CSMD1: variants seen among roughly 807,000 people sequenced by gnomAD.
The protein encoded by CSMD1 is CUB and Sushi multiple domains 1.
Under a neutral mutation model 417.5 loss-of-function variants are expected in CSMD1, and 213 were observed. That is an observed-to-expected ratio of 0.51 (90% CI 0.46 to 0.57). The LOEUF is 0.57. Among genes scored for constraint, CSMD1 ranks in the 20% least tolerant of loss-of-function variants. CSMD1 has a pLI of 0.00. For synonymous variants in CSMD1, 2,862 were observed against 1,736.8 expected, an observed-to-expected ratio of 1.65 and a Z score of -16.11; for missense variants, 6,923 against 4,529.7, an observed-to-expected ratio of 1.53 and a Z score of -15.17.
intron 7 of CSMD1, among the ~76,000 whole-genome samples, chr8:3,658,262 G>C (rs942465244): frequency 5.3e-5 from 8 of 151,932 alleles, no homozygotes; most frequent in Non-Finnish European, 8.8e-5. Flanking sequence ...GGAGTGAAAT[G>C]TATTTTTTTC....
intron 62 of CSMD1, among the ~76,000 whole-genome samples, chr8:2,959,481 T>C (rs1803279213): frequency 6.6e-6 from 1 of 152,190 alleles, no homozygotes; most frequent in Admixed American, 6.5e-5. Context: ...CTGGTAAACA[T>C]GCTGACATTC....
chr8:2,949,304 C>T lies in CSMD1; in HGVS notation c.10397G>A (p.Arg3466Lys). ...ATATCCTAAGTGCAACTTACCTTGC[C>T]TTTCTAGCTTAAATTTTCCAAAGTC... ...GKDFGKFKLE[R>K]QDPLNPDQDS... The change falls in exon 68 of 70, where the codon AGG becomes AAG. Residue 3466 changes from arginine (R) to lysine (K), a missense_variant. Transcript: ENST00000635120. The T allele has an allele frequency of 6.3e-7, 1 of 1,587,578 alleles. No homozygotes were observed. Among genetic ancestry groups the T allele is most frequent in the South Asian group, 1.1e-5 (1 of 90,096 alleles).
intron 3 of CSMD1, among the ~76,000 whole-genome samples, chr8:4,290,719 T>C (rs1411726999): frequency 7.9e-5 from 12 of 152,214 alleles, no homozygotes; most frequent in African/African-American, 2.9e-4. Flanking sequence ...ATTGATAATG[T>C]TCATTAACTT....
intron 3 of CSMD1, among the ~76,000 whole-genome samples, chr8:4,136,049 A>C (rs1803412010): frequency 6.6e-6 from 1 of 152,228 alleles, no homozygotes; most frequent in Non-Finnish European, 1.5e-5. Context: ...AAGAATTTTA[A>C]ATGGCACTTG....
At chr8:3,053,595 G>C (rs1419775873) in intron 49 of CSMD1, among the ~76,000 whole-genome samples, 1 of 152,140 alleles carries the variant, frequency 6.6e-6, no homozygotes, top group Non-Finnish European at 1.5e-5. Flanking sequence ...TCACGGGAAA[G>C]ACCATGCAAG....
intron 41 of CSMD1, among the ~76,000 whole-genome samples, chr8:3,130,713 C>G (rs545351880): frequency 2.0e-4 from 30 of 152,066 alleles, no homozygotes; most frequent in South Asian, 4.2e-4. Flanking sequence ...TCCTTCAAAT[C>G]TCAATGCCAC....
At chr8:4,139,291 G>A (rs1356655) in intron 3 of CSMD1, among the ~76,000 whole-genome samples, 29,447 of 152,140 alleles carry the variant, frequency 0.19, 3,123 homozygotes, top group East Asian at 0.31. Context: ...GGCACCCTGT[G>A]TCTTACAGCT....
At chr8:4,064,608 A>T (rs189543903) in intron 3 of CSMD1, among the ~76,000 whole-genome samples, 12 of 152,318 alleles carry the variant, frequency 7.9e-5, no homozygotes, top group African/African-American at 2.6e-4. Flanking sequence ...CGAACGTGGC[A>T]AGGCTCCCAA....
At chr8:3,247,544 G>C (rs550099938) in intron 26 of CSMD1, among the ~76,000 whole-genome samples, 1 of 152,208 alleles carries the variant, frequency 6.6e-6, no homozygotes, top group Non-Finnish European at 1.5e-5. Flanking sequence ...ATCTGGGCCA[G>C]GATGCCAGGG....
chr8:3,722,730 G>C (rs1043482647), intron 6 of CSMD1, among the ~76,000 whole-genome samples: 3 of 152,182 alleles, frequency 2.0e-5, no homozygotes, highest in African/African-American at 4.8e-5. Context: ...GAAAACTCTT[G>C]TCGTTAGGTT....
chr8:3,528,901 A>G (rs1797864236), intron 10 of CSMD1, among the ~76,000 whole-genome samples: 2 of 152,226 alleles, frequency 1.3e-5, no homozygotes, highest in Non-Finnish European at 2.9e-5. Flanking sequence ...TTTCATTTGC[A>G]TTTATCTGCA....
intron 3 of CSMD1, among the ~76,000 whole-genome samples, chr8:4,212,039 G>C (rs1340553900): frequency 2.0e-5 from 3 of 151,880 alleles, no homozygotes. Flanking sequence ...TGCAATAAAA[G>C]GACCTTAATA....
intron 4 of CSMD1, among the ~76,000 whole-genome samples, chr8:4,027,102 G>C (rs778165389): frequency 6.6e-6 from 1 of 152,166 alleles, no homozygotes; most frequent in Non-Finnish European, 1.5e-5. Flanking sequence ...GAAAAACACA[G>C]CTTTGTGGAG....
intron 1 of CSMD1, among the ~76,000 whole-genome samples, chr8:4,730,746 A>C (rs1228321181): frequency 1.4e-5 from 2 of 147,152 alleles, no homozygotes; most frequent in East Asian, 1.9e-4. Context: ...ATTTCAAAAA[A>C]ACAAATAAAA....
At chr8:4,002,000 T>C (rs765412306) in intron 4 of CSMD1, among the ~76,000 whole-genome samples, 19 of 152,254 alleles carry the variant, frequency 1.2e-4, no homozygotes, top group African/African-American at 4.6e-4. Flanking sequence ...CAGGCCAAAA[T>C]AATATATGCA....
chr8:3,702,795 C>G (rs994688202), intron 7 of CSMD1, among the ~76,000 whole-genome samples: 6 of 152,304 alleles, frequency 3.9e-5, no homozygotes, highest in Admixed American at 6.5e-5. Flanking sequence ...TCGCACCACA[C>G]TCCAGCCTGG....
chr8:4,882,326 C>T (rs1358502921), intron 1 of CSMD1, among the ~76,000 whole-genome samples: 1 of 151,738 alleles, frequency 6.6e-6, no homozygotes, highest in Non-Finnish European at 1.5e-5. Flanking sequence ...ACGACCTCTC[C>T]TGACATGTCG....
At chr8:4,248,878 TTC>T (rs1432276951) in intron 3 of CSMD1, among the ~76,000 whole-genome samples, 1 of 150,170 alleles carries the variant, frequency 6.7e-6, no homozygotes, top group Non-Finnish European at 1.5e-5. Context: ...CTCAACAGTT[TTC>T]TGTTGGAAAA....
At chr8:4,004,652 G>A (rs928742167) in intron 4 of CSMD1, among the ~76,000 whole-genome samples, 1 of 152,004 alleles carries the variant, frequency 6.6e-6, no homozygotes, top group African/African-American at 2.4e-5. Flanking sequence ...ATAAATTTGT[G>A]TATGAAATAG....
Sources: gnomAD v4.1 joint callset for allele counts (sites outside exome capture counted in the v4.1 genomes callset) on GRCh38, gnomAD v4.1.1 for gene constraint, MANE v1.5 for transcripts, NCBI Gene and HGNC (gene_info 2026-07-23, HGNC 2026-07-21) for gene names.